ERO1A: variants seen among roughly 807,000 people sequenced by gnomAD.
ERO1A encodes ERO1-like protein alpha.
Under a neutral mutation model 76.9 loss-of-function variants are expected in ERO1A, and 49 were observed. That is an observed-to-expected ratio of 0.64 (90% CI 0.51 to 0.81). The LOEUF (loss-of-function observed/expected upper bound fraction) is 0.81. Ranked by LOEUF, ERO1A falls within the 30% of genes least tolerant of loss-of-function variation. ERO1A has a pLI of 0.00. For missense variants in ERO1A, 448 were observed against 542.1 expected, an observed-to-expected ratio of 0.83 and a Z score of 1.72; for synonymous variants, 174 against 181.2, an observed-to-expected ratio of 0.96 and a Z score of 0.32.
intron 4 of ERO1A, 154 bp downstream of exon 4, chr14:52,678,280 A>G (rs546931049): frequency 1.2e-5 from 6 of 510,406 alleles, no homozygotes; most frequent in Admixed American, 6.4e-5. Flanking sequence ...AAAATGTTAA[A>G]CAAAAACAAA....
intron 2 of ERO1A, among the ~76,000 whole-genome samples, chr14:52,682,852 T>C (rs2139762580): frequency 6.7e-6 from 1 of 148,168 alleles, no homozygotes; most frequent in African/African-American, 2.5e-5. Context: ...TGAGCCAAGG[T>C]CATGCCACCA....
intron 13 of ERO1A, among the ~76,000 whole-genome samples, chr14:52,650,213 T>C (rs2039809372): frequency 6.6e-6 from 1 of 151,840 alleles, no homozygotes; most frequent in East Asian, 1.9e-4. Flanking sequence ...AATAAGACTT[T>C]ATCTCTTAAA....
intron 11 of ERO1A, among the ~76,000 whole-genome samples, chr14:52,657,455 C>T (rs371464667): frequency 6.6e-6 from 1 of 152,180 alleles, no homozygotes; most frequent in South Asian, 2.1e-4. Flanking sequence ...GAGTGTGATA[C>T]TTTAATTCCA....
chr14:52,695,368 C>G lies in ERO1A; in HGVS notation c.114G>C (p.Gln38His). 6.8e-7 allele frequency: 1 copy of G among 1,460,574 alleles called. No homozygotes were observed. Among genetic ancestry groups the G allele is most frequent in the Non-Finnish European group, 9.1e-7 (1 of 1,095,522 alleles). The allele number at this position is 1,460,574 out of a possible 1,614,324, so 90.5% of individuals were successfully genotyped here. The change falls in exon 1 of 16, where the codon CAG (glutamine) becomes CAC (histidine). Residue 38 changes from glutamine to histidine, a missense_variant and splice_region_variant. This residue lies in a region of ERO1A where 146 missense variants were observed against 130.2 expected (regional missense o/e 1.12). Coordinates refer to ENST00000395686, the MANE Select transcript of ERO1A (RefSeq NM_014584.3). Reference protein sequence around the residue: ...PETAAQRCFCQVSGYLDDCTC... With the variant: ...PETAAQRCFCHVSGYLDDCTC... ...CAGCACCAACGCGCACATCGCTCAC[C>G]TGGCAGAAGCACCTCTGTGCCGCTG...
At position 52,679,525 on chromosome 14, in the gene ERO1A, A is replaced by C. The variant is rs1382551946; in HGVS notation, c.319-1053T>G. On this transcript the variant is annotated intron_variant, in intron 3 of 15. Coordinates refer to ENST00000395686, the MANE Select transcript of ERO1A (RefSeq NM_014584.3). ...CCTCCTGGGTTCAAATGATTCTTGT[A>C]CCTCAGCCTCCCGAGTGGCACCCTG... 6.6e-5 allele frequency among the ~76,000 whole-genome samples: 10 copies of C among 150,570 alleles called. No individual in the cohort carries two copies. In the Admixed American group the frequency reaches 6.6e-4, roughly 10 times the overall value.
At chr14:52,688,332 C>A (rs988833381) in intron 1 of ERO1A, among the ~76,000 whole-genome samples, 1 of 152,112 alleles carries the variant, frequency 6.6e-6, no homozygotes, top group African/African-American at 2.4e-5. Flanking sequence ...CAATAGTTAG[C>A]GTGTATGTTC....
chr14:52,645,031 A>C (rs922445292), intron 15 of ERO1A, among the ~76,000 whole-genome samples: 1 of 152,170 alleles, frequency 6.6e-6, no homozygotes, highest in Non-Finnish European at 1.5e-5. Context: ...AAATATTTTA[A>C]TGTAAGTTCC....
chr14:52,643,893 T>A (rs192183771), intron 15 of ERO1A, among the ~76,000 whole-genome samples: 13 of 152,266 alleles, frequency 8.5e-5, no homozygotes, highest in Middle Eastern at 3.4e-3. Flanking sequence ...ATCCCAGTAT[T>A]TTTTGAGGCC....
intron 7 of ERO1A, chr14:52,664,160 C>A: frequency 5.7e-6 from 1 of 174,422 alleles, no homozygotes; most frequent in Non-Finnish European, 1.2e-5. Flanking sequence ...ATTATATATA[C>A]ATATCTATGT....
At chr14:52,659,984 C>A (rs2040180413) in intron 9 of ERO1A, among the ~76,000 whole-genome samples, 1 of 152,154 alleles carries the variant, frequency 6.6e-6, no homozygotes, top group Non-Finnish European at 1.5e-5. Flanking sequence ...CAGGTGTGCA[C>A]CACCACGCCC....
intron 3 of ERO1A, among the ~76,000 whole-genome samples, chr14:52,681,213 A>G (rs546965466): frequency 6.6e-6 from 1 of 152,238 alleles, no homozygotes; most frequent in Non-Finnish European, 1.5e-5. Context: ...AATAGCAAAA[A>G]GGTAGAAATA....
At chr14:52,675,296 T>C (rs937004973) in intron 4 of ERO1A, among the ~76,000 whole-genome samples, 1 of 151,824 alleles carries the variant, frequency 6.6e-6, no homozygotes, top group Admixed American at 6.6e-5. Flanking sequence ...GGCAGGAGAA[T>C]TGCTTGAACC....
At chr14:52,665,941 A>G (rs193093285) in intron 7 of ERO1A, among the ~76,000 whole-genome samples, 2 of 152,370 alleles carry the variant, frequency 1.3e-5, no homozygotes, top group Admixed American at 6.5e-5. Context: ...GATACCTATT[A>G]TAATTGTTCT....
chr14:52,648,510 T>C (rs1361669839), intron 13 of ERO1A, among the ~76,000 whole-genome samples: 2 of 152,202 alleles, frequency 1.3e-5, no homozygotes, highest in Non-Finnish European at 2.9e-5. Context: ...ATATGCACTA[T>C]AAATTTCCAA....
At position 52,642,598 on chromosome 14, in the gene ERO1A, T is replaced by G. The variant is rs1314606683; in HGVS notation, c.*972A>C. Reference sequence around the variant, plus strand: ...AGTATTTAGGGTTTAAGGGGCATGATGCCTATAACTGACTTTCAAATGATT... The same window carrying G: ...AGTATTTAGGGTTTAAGGGGCATGAGGCCTATAACTGACTTTCAAATGATT... On this transcript the variant is annotated 3_prime_UTR_variant, in exon 16 of 16. Coordinates refer to ENST00000395686, the MANE Select transcript of ERO1A (RefSeq NM_014584.3). The G allele has an allele frequency of 6.6e-6, 1 of 152,416 alleles. No homozygotes were observed. Among genetic ancestry groups the G allele is most frequent in the Non-Finnish European group, 1.5e-5 (1 of 68,022 alleles). 9.4% of individuals were successfully genotyped at this position (152,416 alleles called of 1,614,324 possible).
chr14:52,680,613 A>T (rs2040961811), intron 3 of ERO1A, among the ~76,000 whole-genome samples: 1 of 152,224 alleles, frequency 6.6e-6, no homozygotes. Context: ...ACTAATTCAT[A>T]TAATTAGGAT....
chr14:52,688,333 G>A (rs1009928224), intron 1 of ERO1A, among the ~76,000 whole-genome samples: 1 of 152,110 alleles, frequency 6.6e-6, no homozygotes, highest in African/African-American at 2.4e-5. Context: ...AATAGTTAGC[G>A]TGTATGTTCT....
At chr14:52,692,600 T>C (rs780163592) in intron 1 of ERO1A, among the ~76,000 whole-genome samples, 1 of 152,236 alleles carries the variant, frequency 6.6e-6, no homozygotes, top group Non-Finnish European at 1.5e-5. Flanking sequence ...ACTTAGTTTC[T>C]AGCAATATTT....
At chr14:52,679,877 C>G (rs142295474) in intron 3 of ERO1A, among the ~76,000 whole-genome samples, 195 of 152,036 alleles carry the variant, frequency 1.3e-3, no homozygotes, top group African/African-American at 4.5e-3. Flanking sequence ...ATGGTGAAAC[C>G]TTGTCTCTAC....
Sources: gnomAD v4.1 joint callset for allele counts (sites outside exome capture counted in the v4.1 genomes callset) on GRCh38, gnomAD v4.1.1 for gene constraint, gnomAD v4.1.1 regional missense constraint, MANE v1.5 for transcripts, NCBI Gene and HGNC (gene_info 2026-07-23, HGNC 2026-07-21) for gene names.